EYS: variants seen among roughly 807,000 people sequenced by gnomAD.
EYS encodes the protein EGF-like photoreceptor maintenance factor.
In EYS, 250 loss-of-function variants were observed where a neutral mutation model predicts 282.1. The observed-to-expected ratio is 0.89, with a 90% CI of 0.80 to 0.98. The LOEUF is 0.98. EYS is among the 50% of genes least tolerant of loss of function. The pLI is 0.00. For synonymous variants in EYS, 1,355 were observed against 1,282.9 expected (o/e 1.06, Z -1.20); for missense variants, 4,016 against 3,709.0 (o/e 1.08, Z -2.15).
chr6:63,777,641 C>T (rs1770098352), intron 40 of EYS: 2 of 168,848 alleles, frequency 1.2e-5, no homozygotes, highest in Non-Finnish European at 2.5e-5. Flanking sequence ...TTTACTATTG[C>T]CCTTTCTAAA....
chr6:65,356,620 A>T (rs1368069653), intron 8 of EYS, among the ~76,000 whole-genome samples: 1 of 152,018 alleles, frequency 6.6e-6, no homozygotes, highest in Non-Finnish European at 1.5e-5. Flanking sequence ...ATCTGTACTT[A>T]TACCCTTCTA....
intron 7 of EYS, among the ~76,000 whole-genome samples, chr6:65,397,467 T>G (rs1030541122): frequency 6.6e-6 from 1 of 151,974 alleles, no homozygotes; most frequent in Admixed American, 6.6e-5. Context: ...GTGAAAAGAT[T>G]AGGTTTTTTA....
chr6:64,537,054 T>A (rs1423008456), intron 26 of EYS, among the ~76,000 whole-genome samples: 3 of 151,644 alleles, frequency 2.0e-5, no homozygotes, highest in Non-Finnish European at 4.4e-5. Flanking sequence ...ATGTGCACAA[T>A]GTGCAGGTTA....
intron 19 of EYS, among the ~76,000 whole-genome samples, chr6:64,840,111 A>G (rs1168661521): frequency 6.6e-6 from 1 of 152,106 alleles, no homozygotes; most frequent in Non-Finnish European, 1.5e-5. Context: ...AACCTGATTA[A>G]GAACTTTGCT....
intron 22 of EYS, among the ~76,000 whole-genome samples, chr6:64,745,004 T>C (rs939868365): frequency 1.3e-5 from 2 of 152,152 alleles, no homozygotes; most frequent in African/African-American, 4.8e-5. Context: ...AAAACTCTCA[T>C]AAGCAGCATG....
chr6:64,505,648 T>G (rs1157559234), intron 26 of EYS, among the ~76,000 whole-genome samples: 1 of 152,228 alleles, frequency 6.6e-6, no homozygotes, highest in African/African-American at 2.4e-5. Flanking sequence ...AGCATTGAGT[T>G]GTCATGTACA....
intron 26 of EYS, among the ~76,000 whole-genome samples, chr6:64,581,816 A>G (rs1465319584): frequency 6.6e-6 from 1 of 152,090 alleles, no homozygotes; most frequent in East Asian, 1.9e-4. Context: ...GGGCTTCACG[A>G]AGGGCAGATA....
chr6:64,409,847 T>A (rs1039396898), intron 28 of EYS, among the ~76,000 whole-genome samples: 2 of 152,022 alleles, frequency 1.3e-5, no homozygotes, highest in African/African-American at 4.8e-5. Flanking sequence ...TAAATCTAAA[T>A]TTTTTTAAAG....
intron 22 of EYS, among the ~76,000 whole-genome samples, chr6:64,784,182 A>G (rs1428055515): frequency 6.6e-6 from 1 of 151,572 alleles, no homozygotes; most frequent in Non-Finnish European, 1.5e-5. Context: ...TTTTTATTGA[A>G]TTATCTTTCT....
intron 13 of EYS, among the ~76,000 whole-genome samples, chr6:65,007,832 A>C (rs956855056): frequency 6.6e-6 from 1 of 152,308 alleles, no homozygotes. Context: ...GACCTAGGTA[A>C]ATTCTCAGAT....
At chr6:64,997,851 C>T (rs1460317662) in intron 13 of EYS, 148 bp from the exon 14 acceptor site, 5 of 623,968 alleles carry the variant, frequency 8.0e-6, no homozygotes, top group South Asian at 3.9e-5. Context: ...ATTACATAGT[C>T]ATCTACAATA....
At chr6:64,342,744 T>A (rs1040804396) in intron 29 of EYS, among the ~76,000 whole-genome samples, 1 of 151,858 alleles carries the variant, frequency 6.6e-6, no homozygotes, top group African/African-American at 2.4e-5. Flanking sequence ...ATGGGATAAA[T>A]GCTCCAATTA....
chr6:64,313,180 G>T (rs1323216529), intron 29 of EYS, among the ~76,000 whole-genome samples: 1 of 152,164 alleles, frequency 6.6e-6, no homozygotes, highest in Admixed American at 6.5e-5. Context: ...GTTTAGAGAA[G>T]AACATAAATG....
chr6:64,255,995 TAA>T (rs763435628), intron 30 of EYS, among the ~76,000 whole-genome samples: 4 of 152,072 alleles, frequency 2.6e-5, no homozygotes, highest in Non-Finnish European at 4.4e-5. Context: ...TGTGCGACTG[TAA>T]GAGCTACTGA....
chr6:64,376,426 A>C (rs1405826759), intron 29 of EYS, among the ~76,000 whole-genome samples: 2 of 152,206 alleles, frequency 1.3e-5, no homozygotes, highest in Non-Finnish European at 2.9e-5. Flanking sequence ...GGGAAAAATC[A>C]GTGTTAGCAA....
intron 2 of EYS, among the ~76,000 whole-genome samples, chr6:65,564,075 G>C (rs1349120281): frequency 6.6e-6 from 1 of 152,068 alleles, no homozygotes; most frequent in Admixed American, 6.6e-5. Flanking sequence ...GGGATGTGAA[G>C]GACCGCTTCA....
chr6:65,293,693 G>T (rs541476517), intron 12 of EYS, among the ~76,000 whole-genome samples: 1 of 151,936 alleles, frequency 6.6e-6, no homozygotes, highest in East Asian at 1.9e-4. Context: ...AGACATGCTG[G>T]ACGCTAGAGC....
intron 18 of EYS, among the ~76,000 whole-genome samples, chr6:64,901,830 ACT>A (rs1470769014): frequency 6.6e-6 from 1 of 151,880 alleles, no homozygotes; most frequent in South Asian, 2.1e-4. Flanking sequence ...ATTTCGGGAG[ACT>A]CTACACAATA....
chr6:64,651,838 TTC>T (rs559904032), intron 22 of EYS, among the ~76,000 whole-genome samples: 99 of 152,316 alleles, frequency 6.5e-4, no homozygotes, highest in African/African-American at 2.0e-3. Flanking sequence ...ACTCAATGTT[TTC>T]TCTTATTTAT....
Sources: allele counts gnomAD v4.1 joint callset (sites outside exome capture counted in the v4.1 genomes callset), GRCh38; gene constraint gnomAD v4.1.1; transcripts MANE v1.5; gene names NCBI Gene and HGNC (gene_info 2026-07-23, HGNC 2026-07-21).